The following FOXP2 variants were observed in gnomAD, a reference collection of about 807,000 sequenced individuals.
The protein encoded by FOXP2 is forkhead box protein P2.
In FOXP2, 12 loss-of-function variants were observed where a neutral mutation model predicts 115.8. That is an observed-to-expected ratio of 0.10 (90% CI 0.07 to 0.17). The LOEUF (loss-of-function observed/expected upper bound fraction) is 0.17. Ranked by LOEUF, FOXP2 falls within the 10% of genes least tolerant of loss-of-function variation. The pLI is 1.00. For synonymous variants in FOXP2, 328 were observed against 297.7 expected (o/e 1.10, Z -1.05); for missense variants, 629 against 843.5 (o/e 0.75, Z 3.15).
At position 114,263,585 on chromosome 7, in the gene FOXP2, C is replaced by T. The variant is rs148745702; in HGVS notation, c.-101-24434C>T. 1.3e-3 allele frequency among the ~76,000 whole-genome samples: 201 copies of T among 151,862 alleles called. 2 individuals are homozygous for T. The highest frequency in any genetic ancestry group is 4.8e-3 in the African/African-American group (198 of 41,424). ...CCTTCCACCTCAGCCTCCCAATGTG[C>T]TGGGATTACAGGCGTGAGCCACTGT... On this transcript the variant is annotated intron_variant, in intron 1 of 17. Coordinates refer to the FOXP2 transcript ENST00000634411.
intron 2 of FOXP2, among the ~76,000 whole-genome samples, chr7:114,378,885 C>G (rs2129191206): frequency 6.7e-6 from 1 of 148,962 alleles, no homozygotes; most frequent in South Asian, 2.1e-4. Context: ...CATCCATGAT[C>G]AATTGTAAAA....
intron 2 of FOXP2, among the ~76,000 whole-genome samples, chr7:114,436,372 C>T (rs997427797): frequency 4.0e-5 from 6 of 150,644 alleles, no homozygotes; most frequent in Non-Finnish European, 7.4e-5. Context: ...GTGTCTATTC[C>T]CCGCTAGACA....
At chr7:114,427,351 G>A (rs1158302717) in intron 2 of FOXP2, among the ~76,000 whole-genome samples, 2 of 150,490 alleles carry the variant, frequency 1.3e-5, no homozygotes, top group Non-Finnish European at 3.0e-5. Flanking sequence ...ACACTTTTAA[G>A]TAGTCTGTTA....
intron 3 of FOXP2, among the ~76,000 whole-genome samples, chr7:114,555,099 C>G (rs539852719): frequency 2.6e-5 from 4 of 152,260 alleles, no homozygotes; most frequent in Admixed American, 2.6e-4. Context: ...ACTTTTTTCT[C>G]TAATAAAACA....
At chr7:114,440,474 C>A (rs143434322) in intron 2 of FOXP2, among the ~76,000 whole-genome samples, 1 of 152,112 alleles carries the variant, frequency 6.6e-6, no homozygotes, top group African/African-American at 2.4e-5. Flanking sequence ...TGACTTGTTC[C>A]TGAAGTCGTT....
chr7:114,146,652 A>G (rs1792376762), intron 1 of FOXP2, among the ~76,000 whole-genome samples: 1 of 152,234 alleles, frequency 6.6e-6, no homozygotes, highest in Non-Finnish European at 1.5e-5. Context: ...GAACATTATA[A>G]ACGTAAAAAA....
intron 2 of FOXP2, among the ~76,000 whole-genome samples, chr7:114,331,181 A>G (rs1008320036): frequency 1.3e-5 from 2 of 152,218 alleles, no homozygotes; most frequent in East Asian, 1.9e-4. Context: ...AATCTAAAGA[A>G]TAAAACTATT....
At chr7:114,589,464 T>G (rs1439215177) in intron 3 of FOXP2, among the ~76,000 whole-genome samples, 1 of 152,192 alleles carries the variant, frequency 6.6e-6, no homozygotes, top group Non-Finnish European at 1.5e-5. Flanking sequence ...ACAATGTTAC[T>G]CTGGCATGGC....
chr7:114,497,220 T>C (rs561300263), intron 2 of FOXP2, among the ~76,000 whole-genome samples: 1 of 152,354 alleles, frequency 6.6e-6, no homozygotes, highest in East Asian at 1.9e-4. Context: ...TTTTGCTAAA[T>C]TAATTGTGTG....
intron 16 of FOXP2, among the ~76,000 whole-genome samples, chr7:114,682,708 A>T (rs1022334993): frequency 6.6e-6 from 1 of 152,130 alleles, no homozygotes; most frequent in Non-Finnish European, 1.5e-5. Flanking sequence ...CTAATTCTCT[A>T]TTCATCCTGC....
At chr7:114,628,904 G>C (rs1167561759) in intron 4 of FOXP2, 1 of 520,878 alleles carries the variant, frequency 1.9e-6, no homozygotes, top group African/African-American at 1.9e-5. Flanking sequence ...AGAGAGAGGT[G>C]TAATTTGAAA....
intron 3 of FOXP2, among the ~76,000 whole-genome samples, chr7:114,537,091 G>A (rs562621324): frequency 2.0e-5 from 3 of 151,500 alleles, no homozygotes; most frequent in East Asian, 3.9e-4. Context: ...TGCCACTTAT[G>A]TTTTTAAAAA....
At chr7:114,605,292 T>C (rs1803252495) in intron 3 of FOXP2, among the ~76,000 whole-genome samples, 1 of 152,204 alleles carries the variant, frequency 6.6e-6, no homozygotes, top group Non-Finnish European at 1.5e-5. Context: ...CATTTCTATA[T>C]GAAATATGAG....
intron 2 of FOXP2, among the ~76,000 whole-genome samples, chr7:114,518,138 A>T (rs1391802191): frequency 6.6e-6 from 1 of 152,154 alleles, no homozygotes; most frequent in Non-Finnish European, 1.5e-5. Flanking sequence ...AACCCATGGA[A>T]AGGACTTCTA....
chr7:114,653,621 G>A (rs1331035352), intron 9 of FOXP2, among the ~76,000 whole-genome samples: 1 of 152,112 alleles, frequency 6.6e-6, no homozygotes, highest in Non-Finnish European at 1.5e-5. Context: ...GACACCATGG[G>A]CCTTCTAATT....
intron 1 of FOXP2, among the ~76,000 whole-genome samples, chr7:114,228,072 C>CA (rs2051873894): frequency 1.3e-5 from 2 of 151,616 alleles, no homozygotes; most frequent in Non-Finnish European, 1.5e-5. Flanking sequence ...GATGGCATAT[C>CA]AAAAAAAGGC....
chr7:114,157,386 A>C (rs1792699588), intron 1 of FOXP2, among the ~76,000 whole-genome samples: 1 of 152,092 alleles, frequency 6.6e-6, no homozygotes, highest in Middle Eastern at 3.2e-3. Context: ...AATTAAATTG[A>C]GGCTTGAAAG....
intron 3 of FOXP2, among the ~76,000 whole-genome samples, chr7:114,624,487 A>G (rs1206527880): frequency 1.3e-5 from 2 of 151,894 alleles, no homozygotes; most frequent in Non-Finnish European, 2.9e-5. Flanking sequence ...GACTGACACT[A>G]TACTAAGAAC....
chr7:114,332,127 T>C (rs1797729462), intron 2 of FOXP2, among the ~76,000 whole-genome samples: 1 of 152,154 alleles, frequency 6.6e-6, no homozygotes, highest in South Asian at 2.1e-4. Flanking sequence ...TGTGTGTGTG[T>C]GTGCGTGTGT....
Sources: allele counts gnomAD v4.1 joint callset (sites outside exome capture counted in the v4.1 genomes callset), GRCh38; gene constraint gnomAD v4.1.1; transcripts MANE v1.5; gene names NCBI Gene and HGNC (gene_info 2026-07-23, HGNC 2026-07-21).